Variants in PRKCE observed in about 807,000 individuals in gnomAD.
PRKCE encodes the protein protein kinase C epsilon.
Under a neutral mutation model 85.4 loss-of-function variants are expected in PRKCE, and 16 were observed. The observed-to-expected ratio is 0.19, with a 90% CI of 0.13 to 0.28. The LOEUF is 0.28. Ranked by LOEUF, PRKCE falls within the 10% of genes least tolerant of loss-of-function variation. PRKCE has a pLI of 1.00. For missense variants in PRKCE, 573 were observed against 975.2 expected, an observed-to-expected ratio of 0.59 and a Z score of 5.49; for synonymous variants, 388 against 371.5, an observed-to-expected ratio of 1.04 and a Z score of -0.51.
intron 8 of PRKCE, among the ~76,000 whole-genome samples, chr2:46,006,472 T>A (rs1705209177): frequency 6.8e-6 from 1 of 146,326 alleles, no homozygotes; most frequent in Non-Finnish European, 1.5e-5. Flanking sequence ...ATTCCTTGAG[T>A]AAGCCCTTAT....
intron 10 of PRKCE, among the ~76,000 whole-genome samples, chr2:46,081,167 T>C (rs988101175): frequency 2.6e-5 from 4 of 152,106 alleles, no homozygotes; most frequent in African/African-American, 9.7e-5. Context: ...AACTTTTTAA[T>C]TTTTTTGTAT....
At chr2:45,719,944 A>G (rs1680476193) in intron 1 of PRKCE, among the ~76,000 whole-genome samples, 1 of 152,114 alleles carries the variant, frequency 6.6e-6, no homozygotes, top group Non-Finnish European at 1.5e-5. Flanking sequence ...CAACAACGAC[A>G]ACAACAACAA....
At chr2:46,172,078 C>T (rs1678959198) in intron 14 of PRKCE, among the ~76,000 whole-genome samples, 2 of 152,348 alleles carry the variant, frequency 1.3e-5, no homozygotes, top group Admixed American at 6.5e-5. Flanking sequence ...CCTCTCAGTT[C>T]GACTCTTGGA....
intron 10 of PRKCE, among the ~76,000 whole-genome samples, chr2:46,015,282 A>C (rs1282923163): frequency 2.0e-5 from 3 of 151,926 alleles, no homozygotes; most frequent in Non-Finnish European, 4.4e-5. Flanking sequence ...GAGTCTGTGC[A>C]TTTGTATTTA....
chr2:45,868,621 G>T (rs1693821152), intron 2 of PRKCE, among the ~76,000 whole-genome samples: 2 of 150,856 alleles, frequency 1.3e-5, no homozygotes, highest in Admixed American at 1.3e-4. Flanking sequence ...ACCATGCCTG[G>T]CTGATTTTTG....
At chr2:46,163,109 T>A (rs1250774704) in intron 14 of PRKCE, among the ~76,000 whole-genome samples, 1 of 152,222 alleles carries the variant, frequency 6.6e-6, no homozygotes, top group Non-Finnish European at 1.5e-5. Context: ...CCCGGGGATG[T>A]GGGTGCCTGC....
At chr2:46,102,812 C>G (rs531496264) in intron 11 of PRKCE, among the ~76,000 whole-genome samples, 19 of 152,316 alleles carry the variant, frequency 1.2e-4, no homozygotes, top group African/African-American at 4.1e-4. Context: ...GTCTTATTTT[C>G]ATTACATCAC....
intron 1 of PRKCE, among the ~76,000 whole-genome samples, chr2:45,667,907 C>T (rs564510004): frequency 2.1e-4 from 32 of 152,186 alleles, no homozygotes; most frequent in African/African-American, 7.7e-4. Context: ...TAATCCTGGT[C>T]CCACCACTGA....
chr2:46,094,574 C>T (rs557570749), intron 11 of PRKCE, among the ~76,000 whole-genome samples: 14 of 141,760 alleles, frequency 9.9e-5, no homozygotes, highest in East Asian at 6.7e-4. Flanking sequence ...GGGAGCTGAA[C>T]GATGAGAACA....
At chr2:45,973,383 G>A (rs1214657216) in intron 2 of PRKCE, among the ~76,000 whole-genome samples, 4 of 152,208 alleles carry the variant, frequency 2.6e-5, no homozygotes, top group Admixed American at 6.5e-5. Flanking sequence ...CCTGTCACCT[G>A]CTTTGTAGCT....
At chr2:45,699,600 G>A (rs968473114) in intron 1 of PRKCE, among the ~76,000 whole-genome samples, 4 of 152,192 alleles carry the variant, frequency 2.6e-5, no homozygotes, top group African/African-American at 9.7e-5. Flanking sequence ...TGGCTCTGCT[G>A]TCATCTGTAC....
rs56334058 is a variant in PRKCE, at chr2:45,895,959, A to G, written c.412+52896A>G. Among the ~76,000 whole-genome samples, 4,243 of 152,236 alleles carry G rather than the reference A, an allele frequency of 0.028. 184 individuals are homozygous for G. Among genetic ancestry groups the G allele is most frequent in the African/African-American group, 0.096 (3,989 of 41,516 alleles). On this transcript the variant is annotated intron_variant, in intron 2 of 14. Coordinates refer to ENST00000306156, the MANE Select transcript of PRKCE (RefSeq NM_005400.3). The surrounding 1 kb of genome is among the most constrained non-coding windows in gnomAD (Gnocchi z 4.8). The stretch of plus-strand genomic sequence containing the variant: ...CTGTCCACGAGGAAGGCCTCAGATG[A>G]AGGAGGGCACTTCAGGTAGAGCGTG...
chr2:45,669,467 A>C (rs558411302), intron 1 of PRKCE, among the ~76,000 whole-genome samples: 1 of 152,222 alleles, frequency 6.6e-6, no homozygotes, highest in African/African-American at 2.4e-5. Context: ...CTTACCGCGC[A>C]GCGTGGCTGA....
intron 1 of PRKCE, among the ~76,000 whole-genome samples, chr2:45,687,113 A>G (rs985679366): frequency 2.0e-5 from 3 of 152,118 alleles, no homozygotes; most frequent in Admixed American, 6.5e-5. Context: ...TTCCAAAAAC[A>G]AAACAAAACA....
intron 2 of PRKCE, among the ~76,000 whole-genome samples, chr2:45,868,131 C>G (rs555343250): frequency 1.3e-5 from 2 of 150,522 alleles, no homozygotes; most frequent in Non-Finnish European, 3.0e-5. Context: ...GAAATATCTG[C>G]AAAGTTTTAA....
chr2:45,851,330 A>C (rs568034342), intron 2 of PRKCE, among the ~76,000 whole-genome samples: 2 of 152,382 alleles, frequency 1.3e-5, no homozygotes, highest in African/African-American at 4.8e-5. Context: ...TATGGCTGTT[A>C]GGCACTTTCT....
At chr2:45,962,413 C>G (rs1701443646) in intron 2 of PRKCE, among the ~76,000 whole-genome samples, 1 of 152,254 alleles carries the variant, frequency 6.6e-6, no homozygotes. Flanking sequence ...ACTGAGCTAA[C>G]TGGATCTCCC....
At position 45,659,901 on chromosome 2, in the gene PRKCE, C is replaced by T. The variant is rs1194068088; in HGVS notation, c.348+7453C>T. ...TACGCTATTTAGTTTTCTTATTTAT[C>T]TTTGTTGTTTATTTCTAATACCAGA... On this transcript the variant is annotated intron_variant, in intron 1 of 14. Coordinates refer to ENST00000306156, the MANE Select transcript of PRKCE (RefSeq NM_005400.3). 2.8e-5 allele frequency among the ~76,000 whole-genome samples: 4 copies of T among 144,748 alleles called. No individual in the cohort carries two copies. The East Asian group carries it at 6.1e-4, about 22-fold the overall frequency. 95.0% of individuals were successfully genotyped at this position (144,748 alleles called of 152,430 possible).
chr2:45,667,762 A>G (rs572640936), intron 1 of PRKCE, among the ~76,000 whole-genome samples: 1 of 152,058 alleles, frequency 6.6e-6, no homozygotes, highest in African/African-American at 2.4e-5. Context: ...CTCCACACCT[A>G]GTTTTCCTTG....
Sources: gnomAD v4.1 joint callset for allele counts (sites outside exome capture counted in the v4.1 genomes callset) on GRCh38, gnomAD v4.1.1 for gene constraint, Gnocchi (gnomAD v3.1) non-coding constraint, MANE v1.5 for transcripts, NCBI Gene and HGNC (gene_info 2026-07-23, HGNC 2026-07-21) for gene names.